The following THSD4 variants were observed in gnomAD, a reference collection of about 807,000 sequenced individuals.
THSD4 encodes thrombospondin type-1 domain-containing protein 4.
THSD4 carries 69 observed loss-of-function variants against 119.0 expected under a neutral mutation model. That is an observed-to-expected ratio of 0.58 (90% CI 0.48 to 0.71). The LOEUF (loss-of-function observed/expected upper bound fraction) is 0.71. Ranked by LOEUF, THSD4 falls within the 30% of genes least tolerant of loss-of-function variation. The pLI, the probability that THSD4 is intolerant of heterozygous loss-of-function variation, is 0.00. For synonymous variants in THSD4, 524 were observed against 540.4 expected (o/e 0.97, Z 0.42); for missense variants, 1,393 against 1,391.1 (o/e 1.00, Z -0.02).
chr15:71,217,049 G>A (rs1018075298), intron 4 of THSD4, among the ~76,000 whole-genome samples: 7 of 152,092 alleles, frequency 4.6e-5, no homozygotes, highest in African/African-American at 1.4e-4. Flanking sequence ...TGCCCACCTC[G>A]GTCTCCCAAA....
At chr15:71,749,697 T>TTTTTTAATTTATTTATTTA (rs748022578) in intron 14 of THSD4, among the ~76,000 whole-genome samples, 1 of 137,630 alleles carries the variant, frequency 7.3e-6, no homozygotes, top group African/African-American at 2.7e-5. Context: ...ATTTTTAAAT[T>TTTTTTAATTTATTTATTTA]TTTATTTATT....
chr15:71,453,488 T>C (rs1315720316), intron 7 of THSD4, among the ~76,000 whole-genome samples: 2 of 152,120 alleles, frequency 1.3e-5, no homozygotes, highest in Non-Finnish European at 2.9e-5. Flanking sequence ...GAATAATACA[T>C]TGGATAATAA....
intron 8 of THSD4, among the ~76,000 whole-genome samples, chr15:71,700,519 C>A (rs1369049625): frequency 6.6e-6 from 1 of 152,058 alleles, no homozygotes; most frequent in Non-Finnish European, 1.5e-5. Context: ...TCCATAAATT[C>A]AATTTTTAAA....
intron 7 of THSD4, among the ~76,000 whole-genome samples, chr15:71,641,936 CT>C (rs1477830577): frequency 6.6e-6 from 1 of 152,136 alleles, no homozygotes; most frequent in African/African-American, 2.4e-5. Flanking sequence ...CCCTGTAGTC[CT>C]GAGAAGACGA....
chr15:71,307,599 T>G (rs1046529579), intron 6 of THSD4, among the ~76,000 whole-genome samples: 1 of 151,958 alleles, frequency 6.6e-6, no homozygotes, highest in African/African-American at 2.4e-5. Context: ...GTGAAACCAG[T>G]CTCTACTAAA....
At chr15:71,777,202 G>T in intron 17 of THSD4, 30 bp from the exon 18 acceptor site, 1 of 1,614,058 alleles carries the variant, frequency 6.2e-7, no homozygotes, top group Non-Finnish European at 8.5e-7. Flanking sequence ...TGTGCTCAGG[G>T]AGTCTTCTGT....
intron 4 of THSD4, among the ~76,000 whole-genome samples, chr15:71,235,589 T>C (rs1480606005): frequency 6.7e-6 from 1 of 149,398 alleles, no homozygotes. Flanking sequence ...CTCTCTTTTT[T>C]TTTTTTTTTT....
chr15:71,129,820 T>C (rs771689741), intron 1 of THSD4, among the ~76,000 whole-genome samples: 5 of 152,260 alleles, frequency 3.3e-5, no homozygotes, highest in Middle Eastern at 3.4e-3. Context: ...CTTAAAAAAA[T>C]AATGACATAA....
intron 16 of THSD4, among the ~76,000 whole-genome samples, chr15:71,770,631 G>T (rs1346823531): frequency 6.6e-6 from 1 of 152,068 alleles, no homozygotes; most frequent in Non-Finnish European, 1.5e-5. Flanking sequence ...CTCCAGCCTG[G>T]GTGACAGAGC....
chr15:71,525,651 C>G (rs538551202), intron 7 of THSD4, among the ~76,000 whole-genome samples: 7 of 152,134 alleles, frequency 4.6e-5, no homozygotes, highest in African/African-American at 1.4e-4. Flanking sequence ...TTGTTATGGT[C>G]CATGGACAGA....
intron 11 of THSD4, among the ~76,000 whole-genome samples, chr15:71,743,617 G>A (rs2053277864): frequency 6.6e-6 from 1 of 152,164 alleles, no homozygotes; most frequent in South Asian, 2.1e-4. Flanking sequence ...CTTTTACTCA[G>A]CCAATAATTG....
At chr15:71,628,933 A>G (rs73445746) in intron 7 of THSD4, among the ~76,000 whole-genome samples, 50 of 152,308 alleles carry the variant, frequency 3.3e-4, no homozygotes, top group African/African-American at 1.1e-3. Flanking sequence ...ACTAATATTT[A>G]TTGAGTGCCT....
chr15:71,561,140 C>A (rs1353891655), intron 7 of THSD4, among the ~76,000 whole-genome samples: 2 of 151,846 alleles, frequency 1.3e-5, no homozygotes, highest in Admixed American at 1.3e-4. Context: ...ACACCCGGCT[C>A]ATTTTTTGCA....
chr15:71,446,823 C>G (rs1428123180), intron 7 of THSD4, among the ~76,000 whole-genome samples: 1 of 152,150 alleles, frequency 6.6e-6, no homozygotes, highest in Non-Finnish European at 1.5e-5. Context: ...GACATGAAGT[C>G]CAGCAGGAGG....
chr15:71,220,443 C>T lies in THSD4; in HGVS notation c.464+5044C>T, dbSNP rs1567161453. On this transcript the variant is annotated intron_variant, in intron 4 of 17. Coordinates refer to ENST00000261862, the MANE Select transcript of THSD4 (RefSeq NM_024817.3). ...TTCATTGGAGCTCTCCCAAGGATTC[C>T]GAGCTTAGGACAATTAAACTTCTCT... Among the ~76,000 whole-genome samples, 3 of 152,226 alleles carry T rather than the reference C, an allele frequency of 2.0e-5. No homozygotes were observed. In the South Asian group the frequency reaches 6.2e-4, roughly 32 times the overall value.
At chr15:71,341,468 C>T (rs781754160) in intron 6 of THSD4, 13 of 1,613,238 alleles carry the variant, frequency 8.1e-6, no homozygotes, top group African/African-American at 1.3e-5. Flanking sequence ...TTTGGGCCAC[C>T]GACCTTGTGT....
At chr15:71,495,765 T>C (rs1279879371) in intron 7 of THSD4, among the ~76,000 whole-genome samples, 1 of 152,150 alleles carries the variant, frequency 6.6e-6, no homozygotes, top group East Asian at 1.9e-4. Context: ...TAAAAACTGT[T>C]TTACAAACAC....
intron 8 of THSD4, among the ~76,000 whole-genome samples, chr15:71,703,795 G>A (rs934507690): frequency 1.3e-5 from 2 of 152,188 alleles, no homozygotes; most frequent in African/African-American, 4.8e-5. Flanking sequence ...CAAGGATCTT[G>A]GCAAATTTTA....
At chr15:71,436,015 C>T in intron 7 of THSD4, among the ~76,000 whole-genome samples, 1 of 152,180 alleles carries the variant, frequency 6.6e-6, no homozygotes, top group Middle Eastern at 3.2e-3. Context: ...AATCACACCC[C>T]CAGAGGCAGA....
Sources: allele counts gnomAD v4.1 joint callset (sites outside exome capture counted in the v4.1 genomes callset), GRCh38; gene constraint gnomAD v4.1.1; transcripts MANE v1.5; gene names NCBI Gene and HGNC (gene_info 2026-07-23, HGNC 2026-07-21).